CHL1: variants seen among roughly 807,000 people sequenced by gnomAD.
CHL1 encodes neural cell adhesion molecule L1-like protein.
In CHL1, 96 loss-of-function variants were observed where a neutral mutation model predicts 141.9. The observed-to-expected ratio is 0.68, with a 90% CI of 0.57 to 0.80. CHL1 has a LOEUF of 0.80. CHL1 is among the 30% of genes least tolerant of loss of function. The probability of loss-of-function intolerance (pLI) is 0.00; values close to 1 mark genes in which losing one functional copy is unlikely to be tolerated. For synonymous variants in CHL1, 613 were observed against 502.2 expected, an observed-to-expected ratio of 1.22 and a Z score of -2.95; for missense variants, 1,820 against 1,457.2, an observed-to-expected ratio of 1.25 and a Z score of -4.05.
intron 1 of CHL1, among the ~76,000 whole-genome samples, chr3:229,956 C>T (rs1701712915): frequency 6.6e-6 from 1 of 152,132 alleles, no homozygotes; most frequent in African/African-American, 2.4e-5. Context: ...CTTGTCTGTG[C>T]AGCTGTTGCT....
intron 5 of CHL1, among the ~76,000 whole-genome samples, chr3:328,697 G>A (rs1460211544): frequency 6.6e-6 from 1 of 152,256 alleles, no homozygotes; most frequent in East Asian, 1.9e-4. Flanking sequence ...TAAACATAAA[G>A]TTATTCCCCG....
chr3:230,875 C>G (rs1366566351), intron 1 of CHL1, among the ~76,000 whole-genome samples: 1 of 152,062 alleles, frequency 6.6e-6, no homozygotes, highest in African/African-American at 2.4e-5. Flanking sequence ...TTGAATGGCC[C>G]AGATCAGAGA....
At chr3:284,159 G>T (rs908867433) in intron 2 of CHL1, among the ~76,000 whole-genome samples, 3 of 152,136 alleles carry the variant, frequency 2.0e-5, no homozygotes, top group Admixed American at 2.0e-4. Flanking sequence ...CGAAACAAAA[G>T]ATATTACTAA....
chr3:363,270 A>C lies in CHL1; in HGVS notation c.1472A>C (p.Glu491Ala), dbSNP rs1453374288. 6.2e-7 allele frequency: 1 copy of C among 1,613,762 alleles called. No individual in the cohort carries two copies. The highest frequency in any genetic ancestry group is 2.2e-5 in the East Asian group (1 of 44,872). The change falls in exon 14 of 28, where the codon GAA (glutamate) becomes GCA (alanine). Residue 491 changes from glutamate to alanine, a missense_variant. Physicochemically the swap from Glu to Ala is moderately radical, Grantham distance 107 (BLOSUM62 -1). Transcript: ENST00000256509. ...PLEGRRYHIY[E>A]NGTLQINRTT... ...GAGGGCAGGCGGTATCATATCTATG[A>C]AAATGGCACATTGCAGATCAACAGA...
intron 2 of CHL1, among the ~76,000 whole-genome samples, chr3:301,065 A>C (rs886799333): frequency 7.9e-5 from 12 of 152,306 alleles, no homozygotes; most frequent in African/African-American, 2.6e-4. Flanking sequence ...CTGAGTAATG[A>C]CATGCCATTG....
intron 15 of CHL1, among the ~76,000 whole-genome samples, chr3:370,105 G>C (rs200251690): frequency 1.3e-5 from 2 of 152,130 alleles, no homozygotes; most frequent in African/African-American, 4.8e-5. Flanking sequence ...GATGATGCTG[G>C]CTTCACAAAA....
chr3:299,756 G>T (rs1489504496), intron 2 of CHL1, among the ~76,000 whole-genome samples: 1 of 152,124 alleles, frequency 6.6e-6, no homozygotes, highest in Non-Finnish European at 1.5e-5. Flanking sequence ...CCTGACAGGG[G>T]AGCAGTGAAA....
At chr3:289,475 T>C (rs1172353224) in intron 2 of CHL1, among the ~76,000 whole-genome samples, 4 of 152,156 alleles carry the variant, frequency 2.6e-5, no homozygotes, top group African/African-American at 9.7e-5. Flanking sequence ...AAATTATATG[T>C]ATTTATCCAT....
chr3:213,790 C>T (rs530765153), intron 1 of CHL1: 1 of 152,126 alleles, frequency 6.6e-6, no homozygotes, highest in Non-Finnish European at 1.5e-5. Flanking sequence ...ATGATTATTT[C>T]TCTGAAGCAA....
intron 2 of CHL1, among the ~76,000 whole-genome samples, chr3:269,924 A>T (rs1397206118): frequency 6.6e-6 from 1 of 152,178 alleles, no homozygotes; most frequent in Non-Finnish European, 1.5e-5. Context: ...AGCAAGAGGC[A>T]GTGAGATCTC....
chr3:333,736 A>T (rs186483484), intron 5 of CHL1, among the ~76,000 whole-genome samples: 2 of 152,312 alleles, frequency 1.3e-5, no homozygotes, highest in African/African-American at 4.8e-5. Context: ...CTGTGCATGT[A>T]TATGGTGATT....
intron 15 of CHL1, chr3:376,544 G>T (rs1575214623): frequency 5.3e-6 from 2 of 374,746 alleles, no homozygotes; most frequent in East Asian, 1.5e-4. Flanking sequence ...ACCATGACTT[G>T]CCAAAAAAAT....
At chr3:260,124 T>TGAG (rs1694566819) in intron 2 of CHL1, among the ~76,000 whole-genome samples, 1 of 151,766 alleles carries the variant, frequency 6.6e-6, no homozygotes. Context: ...ATTAGCTGGG[T>TGAG]GTGGTGGCGC....
chr3:365,825 TGG>T (rs1704807923), intron 14 of CHL1, 123 bp from the exon 15 acceptor site: 1 of 645,442 alleles, frequency 1.5e-6, no homozygotes, highest in Non-Finnish European at 2.6e-6. Flanking sequence ...GAAATTACAG[TGG>T]GACAAACCCT....
chr3:250,963 G>A (rs372583692), intron 2 of CHL1, among the ~76,000 whole-genome samples: 29 of 152,062 alleles, frequency 1.9e-4, no homozygotes, highest in Non-Finnish European at 4.0e-4. Context: ...AGATACAGTC[G>A]CAAAGAGAGA....
intron 5 of CHL1, among the ~76,000 whole-genome samples, chr3:337,322 C>G (rs1303584241): frequency 6.6e-6 from 1 of 150,902 alleles, no homozygotes; most frequent in Non-Finnish European, 1.5e-5. Context: ...TCCCGAGTAG[C>G]TGGGACCACA....
intron 2 of CHL1, among the ~76,000 whole-genome samples, chr3:306,997 G>C (rs1040281910): frequency 4.6e-5 from 7 of 152,112 alleles, no homozygotes; most frequent in Non-Finnish European, 7.4e-5. Flanking sequence ...TTAGGTTAAG[G>C]CTAATGGTGT....
At chr3:229,048 A>C (rs1016489971) in intron 1 of CHL1, among the ~76,000 whole-genome samples, 1 of 152,178 alleles carries the variant, frequency 6.6e-6, no homozygotes, top group African/African-American at 2.4e-5. Context: ...CTGATAGGTT[A>C]GTTTACACAG....
intron 2 of CHL1, among the ~76,000 whole-genome samples, chr3:272,530 A>G (rs1385056312): frequency 2.6e-5 from 4 of 152,226 alleles, no homozygotes; most frequent in Admixed American, 2.0e-4. Context: ...TCAGGTAGCT[A>G]ATAGAGTACA....
Sources: allele counts gnomAD v4.1 joint callset (sites outside exome capture counted in the v4.1 genomes callset), GRCh38; gene constraint gnomAD v4.1.1; transcripts MANE v1.5; gene names NCBI Gene and HGNC (gene_info 2026-07-23, HGNC 2026-07-21).